The following CADPS2 variants were observed in gnomAD, a reference collection of about 807,000 sequenced individuals.
CADPS2 encodes calcium-dependent secretion activator 2.
CADPS2 carries 93 observed loss-of-function variants against 172.5 expected under a neutral mutation model. The observed-to-expected ratio is 0.54, with a 90% CI of 0.46 to 0.64. The LOEUF is 0.64. CADPS2 is among the 30% of genes least tolerant of loss of function. The pLI is 0.00. For synonymous variants in CADPS2, 546 were observed against 555.2 expected (o/e 0.98, Z 0.23); for missense variants, 1,420 against 1,565.9 (o/e 0.91, Z 1.57).
intron 7 of CADPS2, among the ~76,000 whole-genome samples, chr7:122,568,648 A>C (rs2066785624): frequency 6.6e-6 from 1 of 152,166 alleles, no homozygotes; most frequent in African/African-American, 2.4e-5. Context: ...TGTTCAAATA[A>C]AAACTTTGAT....
chr7:122,698,226 C>A, intron 2 of CADPS2: 1 of 1,613,920 alleles, frequency 6.2e-7, no homozygotes, highest in Non-Finnish European at 8.5e-7. Context: ...CAAATGTGTT[C>A]TGAAGATCTG....
At chr7:122,511,369 A>C (rs1202913072) in intron 9 of CADPS2, among the ~76,000 whole-genome samples, 1 of 151,966 alleles carries the variant, frequency 6.6e-6, no homozygotes, top group Non-Finnish European at 1.5e-5. Flanking sequence ...AGAAAATAAG[A>C]TAAGGGGCAA....
At chr7:122,481,162 C>CTT (rs35352953) in intron 11 of CADPS2, among the ~76,000 whole-genome samples, 2,648 of 107,486 alleles carry the variant, frequency 0.025, 111 homozygotes, top group African/African-American at 0.076. Context: ...TTTCTTCATT[C>CTT]TTTTTTTTTT....
At chr7:122,321,712 T>G (rs554104415) in intron 29 of CADPS2, among the ~76,000 whole-genome samples, 1 of 152,266 alleles carries the variant, frequency 6.6e-6, no homozygotes, top group African/African-American at 2.4e-5. Context: ...ACTCCTGAAC[T>G]CAGGTGATCC....
chr7:122,490,904 A>G (rs1333708180), intron 10 of CADPS2, among the ~76,000 whole-genome samples: 1 of 152,128 alleles, frequency 6.6e-6, no homozygotes, highest in Admixed American at 6.6e-5. Flanking sequence ...TTCCAGTATT[A>G]ATATGAAGGG....
At chr7:122,461,002 G>A (rs2054370677) in intron 14 of CADPS2, among the ~76,000 whole-genome samples, 1 of 152,134 alleles carries the variant, frequency 6.6e-6, no homozygotes, top group Non-Finnish European at 1.5e-5. Context: ...GTCCATGACT[G>A]CTTCTGCACA....
At chr7:122,429,803 G>A (rs899449304) in intron 17 of CADPS2, among the ~76,000 whole-genome samples, 1 of 151,652 alleles carries the variant, frequency 6.6e-6, no homozygotes, top group Non-Finnish European at 1.5e-5. Context: ...ACTTTTATCA[G>A]AGAAAACTGT....
chr7:122,743,158 T>C (rs1316789195), intron 1 of CADPS2, among the ~76,000 whole-genome samples: 1 of 152,120 alleles, frequency 6.6e-6, no homozygotes, highest in East Asian at 1.9e-4. Flanking sequence ...AACATAAATA[T>C]AATTGCAAAC....
intron 2 of CADPS2, among the ~76,000 whole-genome samples, chr7:122,680,551 T>C (rs1294277856): frequency 2.0e-5 from 3 of 152,006 alleles, no homozygotes; most frequent in Admixed American, 1.3e-4. Flanking sequence ...CTGTCTCTAT[T>C]AAAAATACAA....
At chr7:122,823,095 C>T (rs1021889633) in intron 1 of CADPS2, among the ~76,000 whole-genome samples, 3 of 152,184 alleles carry the variant, frequency 2.0e-5, no homozygotes, top group African/African-American at 2.4e-5. Context: ...ACCTCTGGGA[C>T]ATTTGCATGT....
rs2082413470 is a variant in CADPS2, at chr7:122,676,695, C to T, written c.454-13126G>A. ...CCTGCTGTCAGCTGCTCAGCCACAT[C>T]CTGGAGGTGCTGTACAGGAAGGACA... On this transcript the variant is annotated intron_variant, in intron 2 of 29. Coordinates refer to ENST00000449022, the MANE Select transcript of CADPS2 (RefSeq NM_017954.11). 4 of 1,591,316 alleles carry T rather than the reference C, an allele frequency of 2.5e-6. No individual in the cohort carries two copies. In the East Asian group the frequency reaches 9.0e-5, roughly 36 times the overall value.
rs372576796 is a variant in CADPS2 at position 122,621,750 on chromosome 7, A to G, written c.868-33T>C. The G allele has an allele frequency of 8.9e-4, 1,069 of 1,198,108 alleles. 10 individuals are homozygous for G. The highest frequency in any genetic ancestry group is 5.1e-3 in the South Asian group (363 of 71,848). 74.2% of individuals were successfully genotyped at this position (1,198,108 alleles called of 1,614,324 possible). On this transcript the variant is annotated intron_variant, in intron 4 of 29. Coordinates refer to ENST00000449022, the MANE Select transcript of CADPS2 (RefSeq NM_017954.11). ...ATAATTTTTAAAATAATAGTGTTACATAAGTCATATTTCAATTTTATCATA... is the reference window on the plus strand; with the variant it reads ...ATAATTTTTAAAATAATAGTGTTACGTAAGTCATATTTCAATTTTATCATA...
intron 1 of CADPS2, among the ~76,000 whole-genome samples, chr7:122,844,154 C>G (rs2428904): frequency 0.2 from 30,783 of 152,130 alleles, 3,914 homozygotes; most frequent in African/African-American, 0.36. Flanking sequence ...CGAGCCTCAC[C>G]TGGAGGTGAG....
In CADPS2 at chr7:122,640,509, AG is replaced by A. The variant is rs1160024120; in HGVS notation, c.787-11182del. 1.2e-4 allele frequency among the ~76,000 whole-genome samples: 18 copies of A among 151,300 alleles called. 1 individual carries two copies. The highest frequency in any genetic ancestry group is 3.3e-4 in the Admixed American group (5 of 15,182). On this transcript the variant is annotated intron_variant, in intron 3 of 29. Transcript: ENST00000449022. Reference sequence around the variant, plus strand: ...CACACACAGAGATAGAGAGAGAGAGAGAGAAAAAAAAAGAAGGGAAGGGGAG... The same window carrying A: ...CACACACAGAGATAGAGAGAGAGAGAAGAAAAAAAAAGAAGGGAAGGGGAG...
chr7:122,765,464 G>A (rs2093517744), intron 1 of CADPS2, among the ~76,000 whole-genome samples: 1 of 152,076 alleles, frequency 6.6e-6, no homozygotes, highest in African/African-American at 2.4e-5. Context: ...CTGAGCAGTT[G>A]GGAACTAATG....
At chr7:122,733,551 A>G (rs966985027) in intron 2 of CADPS2, among the ~76,000 whole-genome samples, 2 of 141,814 alleles carry the variant, frequency 1.4e-5, no homozygotes, top group East Asian at 1.9e-4. Flanking sequence ...ATGGATCCCA[A>G]GTAGCTAACT....
At chr7:122,702,915 A>G (rs1248917070) in intron 2 of CADPS2, 1 of 566,202 alleles carries the variant, frequency 1.8e-6, no homozygotes, top group African/African-American at 1.9e-5. Context: ...TTTAATATTT[A>G]GTAGATTATC....
intron 24 of CADPS2, chr7:122,382,188 T>TA (rs2043097559): frequency 6.6e-6 from 1 of 152,138 alleles, no homozygotes; most frequent in African/African-American, 2.4e-5. Flanking sequence ...TAATCCTTGC[T>TA]AAAAAATGTA....
chr7:122,396,163 G>A (rs2045099516), intron 20 of CADPS2, among the ~76,000 whole-genome samples: 1 of 152,068 alleles, frequency 6.6e-6, no homozygotes, highest in Admixed American at 6.6e-5. Flanking sequence ...GAGAGTTTAA[G>A]ATACTTGTTT....
Sources: allele counts gnomAD v4.1 joint callset (sites outside exome capture counted in the v4.1 genomes callset), GRCh38; gene constraint gnomAD v4.1.1; transcripts MANE v1.5; gene names NCBI Gene and HGNC (gene_info 2026-07-23, HGNC 2026-07-21).